EXTL2: variants seen among roughly 807,000 people sequenced by gnomAD.
The protein encoded by EXTL2 is exostosin-like 2.
A neutral mutation model predicts 30.7 loss-of-function variants in EXTL2; 23 were observed. The observed-to-expected ratio is 0.75, with a 90% CI of 0.54 to 1.06. EXTL2 has a LOEUF of 1.06. Among genes scored for constraint, EXTL2 ranks in the 50% least tolerant of loss-of-function variants. The pLI, the probability that EXTL2 is intolerant of heterozygous loss-of-function variation, is 0.00. For synonymous variants in EXTL2, 123 were observed against 133.8 expected, an observed-to-expected ratio of 0.92 and a Z score of 0.56; for missense variants, 352 against 396.3, an observed-to-expected ratio of 0.89 and a Z score of 0.95.
intron 2 of EXTL2, chr1:100,881,070 A>G (rs1375157840): frequency 3.1e-6 from 3 of 977,756 alleles, no homozygotes; most frequent in Non-Finnish European, 3.6e-6. Context: ...GAAAGGTTTC[A>G]GGAGATATGA....
At chr1:100,879,426 T>G (rs1275107083) in intron 2 of EXTL2, among the ~76,000 whole-genome samples, 2 of 152,138 alleles carry the variant, frequency 1.3e-5, no homozygotes, top group Non-Finnish European at 2.9e-5. Flanking sequence ...GAAATTTACT[T>G]ATGAAAAGAA....
intron 2 of EXTL2, 182 bp downstream of exon 2, chr1:100,888,571 T>C (rs977637969): frequency 7.6e-6 from 3 of 394,490 alleles, no homozygotes; most frequent in Non-Finnish European, 1.4e-5. Context: ...TGGACAGTTG[T>C]TGTTCAGTGG....
At chr1:100,875,952 C>T (rs1393415408) in intron 4 of EXTL2, among the ~76,000 whole-genome samples, 2 of 151,860 alleles carry the variant, frequency 1.3e-5, no homozygotes, top group African/African-American at 4.8e-5. Flanking sequence ...GGAAAAATTT[C>T]GTTGGTCAGC....
chr1:100,882,528 A>G (rs1649641110), intron 2 of EXTL2, among the ~76,000 whole-genome samples: 1 of 152,218 alleles, frequency 6.6e-6, no homozygotes. Context: ...TGTCTCTAAA[A>G]CTGCCCCGGG....
chr1:100,880,916 C>A, intron 2 of EXTL2: 9 of 945,300 alleles, frequency 9.5e-6, no homozygotes, highest in Non-Finnish European at 7.6e-6. Flanking sequence ...ATTACTATAG[C>A]TTACTATAAA....
At chr1:100,878,247 ATTTCG>A in intron 2 of EXTL2, 1 of 314,080 alleles carries the variant, frequency 3.2e-6, no homozygotes, top group Non-Finnish European at 6.2e-6. Context: ...TAATATATTA[ATTTCG>A]AATCTACACT....
upstream of EXTL2, chr1:100,894,944 C>T (rs1484020583): frequency 1.3e-5 from 2 of 152,266 alleles, no homozygotes; most frequent in African/African-American, 4.8e-5. Context: ...GAAAGCCAAT[C>T]CTTTCCTCCA....
intron 2 of EXTL2, among the ~76,000 whole-genome samples, chr1:100,885,240 G>C (rs367927017): frequency 1.3e-5 from 2 of 152,032 alleles, no homozygotes; most frequent in African/African-American, 4.8e-5. Context: ...TCTTTTCAAA[G>C]ATATTCTGCA....
At chr1:100,884,607 A>G (rs1398660987) in intron 2 of EXTL2, among the ~76,000 whole-genome samples, 5 of 152,320 alleles carry the variant, frequency 3.3e-5, no homozygotes, top group Non-Finnish European at 5.9e-5. Flanking sequence ...ACATACAGTG[A>G]GCCGATCCAC....
At chr1:100,886,590 G>A (rs938871723) in intron 2 of EXTL2, among the ~76,000 whole-genome samples, 1 of 152,140 alleles carries the variant, frequency 6.6e-6, no homozygotes, top group African/African-American at 2.4e-5. Context: ...CCTATACAAA[G>A]GATCTTATTC....
rs190551867 is a variant in EXTL2, at chr1:100,876,160, T to C, written c.504+634A>G. 3.1e-3 allele frequency among the ~76,000 whole-genome samples: 465 copies of C among 152,178 alleles called. 2 individuals are homozygous for C. Among genetic ancestry groups the C allele is most frequent in the Non-Finnish European group, 4.5e-3 (303 of 67,980 alleles). On this transcript the variant is annotated intron_variant, in intron 4 of 4. Transcript: ENST00000370114. Reference sequence around the variant, plus strand: ...ACGGCTTCGAAGTACTTCCATGCAGTTCCGGTTTCAGGTAATGGCAGTGCA... The same window carrying C: ...ACGGCTTCGAAGTACTTCCATGCAGCTCCGGTTTCAGGTAATGGCAGTGCA...
intron 2 of EXTL2, among the ~76,000 whole-genome samples, chr1:100,881,645 A>C (rs1649566612): frequency 6.6e-6 from 1 of 152,200 alleles, no homozygotes; most frequent in Admixed American, 6.5e-5. Context: ...CCATGACTGC[A>C]GTAAATATAA....
rs901566031 is a variant in EXTL2 at position 100,877,388 on chromosome 1, G to T, written c.433+88C>A. The T allele has an allele frequency of 4.1e-6, 5 of 1,223,172 alleles. No homozygotes were observed. The highest frequency in any genetic ancestry group is 4.5e-6 in the Non-Finnish European group (4 of 889,242). 75.8% of individuals were successfully genotyped at this position (1,223,172 alleles called of 1,614,324 possible). A position where few individuals can be genotyped will look rare whatever the true frequency, so the allele number is the denominator to read the frequency against. ...TAACTTCCTTCATTTTTCTCCAGAC[G>T]GTTAAGCAGAAGGCCAGAAATTCAC... On this transcript the variant is annotated intron_variant, in intron 3 of 4. Transcript: ENST00000370114. The surrounding 1 kb of genome is among the most constrained non-coding windows in gnomAD (Gnocchi z 4.1).
intron 4 of EXTL2, among the ~76,000 whole-genome samples, chr1:100,875,021 T>C (rs550025605): frequency 3.6e-4 from 55 of 152,158 alleles, no homozygotes; most frequent in African/African-American, 1.3e-3. Flanking sequence ...CATAAATGTT[T>C]ATATTATGTA....
At chr1:100,885,389 C>T (rs1012828033) in intron 2 of EXTL2, among the ~76,000 whole-genome samples, 5 of 152,068 alleles carry the variant, frequency 3.3e-5, no homozygotes, top group East Asian at 1.9e-4. Context: ...TCATGATAAC[C>T]GGAAGCTATA....
chr1:100,889,699 C>T (rs911168832), intron 1 of EXTL2, among the ~76,000 whole-genome samples: 6 of 152,196 alleles, frequency 3.9e-5, no homozygotes, highest in Admixed American at 6.5e-5. Context: ...CATGCAAGTC[C>T]GAAATCCAGT....
chr1:100,876,901 C>T (rs75584936), intron 3 of EXTL2, 37 bp from the exon 4 acceptor site: 37 of 1,453,390 alleles, frequency 2.5e-5, no homozygotes, highest in South Asian at 2.2e-4. Context: ...TTGAATAGTT[C>T]GGAAATGAAA....
At position 100,873,717 on chromosome 1, in the gene EXTL2, T is replaced by A; in HGVS notation, c.*225A>T. ...TAAAATCACTGACCAAGGAGTTATA[T>A]CCCTGGATGAAAACTCTTCATAAGA... is the stretch of plus-strand genomic sequence containing the variant. On this transcript the variant is annotated 3_prime_UTR_variant, in exon 5 of 5. Coordinates refer to ENST00000370114, the MANE Select transcript of EXTL2 (RefSeq NM_001033025.3). 2.3e-6 allele frequency: 1 copy of A among 435,538 alleles called. No homozygotes were observed. Among genetic ancestry groups the A allele is most frequent in the East Asian group, 3.9e-5 (1 of 25,764 alleles). 27.0% of individuals were successfully genotyped at this position (435,538 alleles called of 1,614,324 possible). A position where few individuals can be genotyped will look rare whatever the true frequency, so the allele number is the denominator to read the frequency against.
At chr1:100,876,746 A>T (rs1557951492) in intron 4 of EXTL2, 48 bp downstream of exon 4, 4 of 1,288,644 alleles carry the variant, frequency 3.1e-6, no homozygotes, top group African/African-American at 2.9e-5. Flanking sequence ...GTTAAGTACT[A>T]GTCAAGATCT....
Sources: gnomAD v4.1 joint callset for allele counts (sites outside exome capture counted in the v4.1 genomes callset) on GRCh38, gnomAD v4.1.1 for gene constraint, Gnocchi (gnomAD v3.1) non-coding constraint, MANE v1.5 for transcripts, NCBI Gene and HGNC (gene_info 2026-07-23, HGNC 2026-07-21) for gene names.